The following MAP3K1 variants were observed in gnomAD, a reference collection of about 807,000 sequenced individuals.
MAP3K1 encodes MAP/ERK kinase kinase 1.
A neutral mutation model predicts 144.2 loss-of-function variants in MAP3K1; 36 were observed. That is an observed-to-expected ratio of 0.25 (90% confidence interval 0.19 to 0.33). MAP3K1 has a LOEUF of 0.33. Among genes scored for constraint, MAP3K1 ranks in the 10% least tolerant of loss-of-function variants. MAP3K1 has a pLI of 1.00. For missense variants in MAP3K1, 1,650 were observed against 1,881.9 expected (o/e 0.88, Z 2.28); for synonymous variants, 718 against 688.7 (o/e 1.04, Z -0.67).
At position 56,882,265 on chromosome 5, in the gene MAP3K1, A is replaced by G; in HGVS notation, c.3065A>G (p.Gln1022Arg). ...ATACCTTCTGCATCTCCTCAAACAC[A>G]GCGCAAGTTTTCTCTACAATTCCAC... ...CRIPSASPQT[Q>R]RKFSLQFHRN... Residue 1022 changes from glutamine (Q) to arginine (R), a missense_variant, in exon 14 of 20, where the codon CAG (glutamine) becomes CGG (arginine). By Grantham distance (43) the Gln-to-Arg change is conservative. Coordinates refer to ENST00000399503, the MANE Select transcript of MAP3K1 (RefSeq NM_005921.2). 1 of 1,614,146 alleles carries G rather than the reference A, an allele frequency of 6.2e-7. No individual in the cohort carries two copies. The highest frequency in any genetic ancestry group is 1.3e-5 in the African/African-American group (1 of 75,054).
intron 17 of MAP3K1, among the ~76,000 whole-genome samples, chr5:56,886,648 T>C (rs943748325): frequency 1.3e-5 from 2 of 152,242 alleles, no homozygotes; most frequent in African/African-American, 4.8e-5. Context: ...CATGATACGC[T>C]GACTCCCAGA....
intron 1 of MAP3K1, among the ~76,000 whole-genome samples, chr5:56,837,637 A>G (rs1042621766): frequency 6.6e-6 from 1 of 152,248 alleles, no homozygotes; most frequent in African/African-American, 2.4e-5. Flanking sequence ...TGAGTAAGAC[A>G]AAGGCTTTGT....
chr5:56,877,540 T>C (rs1748077727), intron 10 of MAP3K1, among the ~76,000 whole-genome samples: 1 of 142,900 alleles, frequency 7.0e-6, no homozygotes, highest in South Asian at 2.2e-4. Flanking sequence ...TTTTTTTTGC[T>C]GAATCGTTTG....
chr5:56,883,016 C>G, intron 14 of MAP3K1, 150 bp downstream of exon 14: 1 of 663,968 alleles, frequency 1.5e-6, no homozygotes, highest in South Asian at 1.9e-5. Flanking sequence ...AAGCAAGACC[C>G]TGTCTCTACA....
intron 9 of MAP3K1, 79 bp from the exon 10 acceptor site, chr5:56,874,953 A>C: frequency 6.8e-7 from 1 of 1,470,156 alleles, no homozygotes. Flanking sequence ...CGTAGTAATC[A>C]AAAATGATGC....
At chr5:56,827,886 C>T (rs566534231) in intron 1 of MAP3K1, among the ~76,000 whole-genome samples, 1 of 151,668 alleles carries the variant, frequency 6.6e-6, no homozygotes, top group African/African-American at 2.4e-5. Context: ...AGAACCTGGG[C>T]CCTAGGAATT....
chr5:56,859,665 TTACC>T (rs1747443390), intron 2 of MAP3K1, 46 bp from the exon 3 acceptor site: 1 of 1,361,356 alleles, frequency 7.3e-7, no homozygotes, highest in Non-Finnish European at 1.0e-6. Flanking sequence ...TTACATTTAC[TTACC>T]TTTTATATTT....
rs1748687058 is a variant in MAP3K1, at chr5:56,895,875, T to C, written c.*2195T>C. ...AGATTTTTCTTCTACCAAAGTTCAC[T>C]TTCACAATGAAATTATATTTGCTGT... On this transcript the variant is annotated 3_prime_UTR_variant, in exon 20 of 20. Transcript: ENST00000399503. 1 of 230,932 alleles carries C rather than the reference T, an allele frequency of 4.3e-6. No homozygotes were observed. The highest frequency in any genetic ancestry group is 8.6e-6 in the Non-Finnish European group (1 of 116,796). 14.3% of individuals were successfully genotyped at this position (230,932 alleles called of 1,614,324 possible). A position where few individuals can be genotyped will look rare whatever the true frequency, so the allele number is the denominator to read the frequency against.
chr5:56,873,096 A>G (rs1368018303), intron 9 of MAP3K1, 91 bp downstream of exon 9: 25 of 1,266,700 alleles, frequency 2.0e-5, no homozygotes, highest in Non-Finnish European at 2.4e-5. Context: ...CATAATTTAA[A>G]AAAACACTTT....
chr5:56,815,943 C>A lies in MAP3K1; in HGVS notation c.370C>A (p.Leu124Ile). The A allele has an allele frequency of 7.9e-7, 1 of 1,262,226 alleles. No homozygotes were observed. Among genetic ancestry groups the A allele is most frequent in the East Asian group, 3.3e-5 (1 of 30,498 alleles). The allele number at this position is 1,262,226 out of a possible 1,614,324, so 78.2% of individuals were successfully genotyped here. A position where few individuals can be genotyped will look rare whatever the true frequency, so the allele number is the denominator to read the frequency against. Residue 124 changes from leucine to isoleucine, a missense_variant, in exon 1 of 20, where the codon CTT (leucine) becomes ATT (isoleucine). Around this residue, in one of 6 missense-constraint regions of MAP3K1, gnomAD observed 360 missense variants for 274.7 expected, o/e 1.31. Transcript: ENST00000399503. ...HGAASRGGAH[L>I]TESVAAPDSG... The stretch of plus-strand genomic sequence containing the variant: ...AGCCGCGAGCCGCGGCGGCGCCCAC[C>A]TTACCGAGTCGGTGGCGGCGCCGGA...
In MAP3K1 at chr5:56,882,565, T is replaced by C; in HGVS notation, c.3365T>C (p.Leu1122Ser). 6.2e-7 allele frequency: 1 copy of C among 1,614,140 alleles called. No individual in the cohort carries two copies. Among genetic ancestry groups the C allele is most frequent in the Non-Finnish European group, 8.5e-7 (1 of 1,180,022 alleles). ...ACCCCAGTAGAGGAGAAATGCAGAT[T>C]AGATGTCAATACAGAGCTCAACTCC... ...VFTPVEEKCRLDVNTELNSSI... is the reference protein window; with the variant it reads ...VFTPVEEKCRSDVNTELNSSI... The change falls in exon 14 of 20, where the codon TTA (leucine) becomes TCA (serine). Residue 1122 changes from leucine to serine, a missense_variant. Leu to Ser is a moderately radical substitution (Grantham distance 145). This residue lies in a region of MAP3K1 where 841 missense variants were observed against 886.5 expected (regional missense o/e 0.95). Transcript: ENST00000399503.
chr5:56,863,960 C>A (rs1747596006), intron 3 of MAP3K1, among the ~76,000 whole-genome samples: 1 of 152,114 alleles, frequency 6.6e-6, no homozygotes, highest in African/African-American at 2.4e-5. Context: ...GAGGAAGAGT[C>A]TGCAGAGTGT....
intron 1 of MAP3K1, among the ~76,000 whole-genome samples, chr5:56,827,089 G>A (rs1746340056): frequency 1.3e-5 from 2 of 152,316 alleles, no homozygotes; most frequent in South Asian, 4.1e-4. Context: ...GGTGGGTGGA[G>A]AACACACAGG....
At chr5:56,816,467 G>A (rs1375219802) in intron 1 of MAP3K1, among the ~76,000 whole-genome samples, 1 of 152,058 alleles carries the variant, frequency 6.6e-6, no homozygotes, top group Non-Finnish European at 1.5e-5. Flanking sequence ...GGGGGGCGAG[G>A]CCCGAGCCTG....
intron 6 of MAP3K1, among the ~76,000 whole-genome samples, chr5:56,868,925 C>CAT (rs1470065587): frequency 6.6e-6 from 1 of 152,034 alleles, no homozygotes; most frequent in Admixed American, 6.6e-5. Flanking sequence ...ACCTTTAGGA[C>CAT]ATTATTCTAA....
At chr5:56,847,313 T>G (rs1221912432) in intron 1 of MAP3K1, among the ~76,000 whole-genome samples, 1 of 152,202 alleles carries the variant, frequency 6.6e-6, no homozygotes, top group Non-Finnish European at 1.5e-5. Context: ...TAAAAAAGAC[T>G]TGGTCGGGCG....
At position 56,875,299 on chromosome 5, in the gene MAP3K1, G is replaced by A. The variant is rs376758896; in HGVS notation, c.1954G>A (p.Val652Ile). The A allele has an allele frequency of 1.7e-5, 27 of 1,613,898 alleles. No homozygotes were observed. The highest frequency in any genetic ancestry group is 1.5e-5 in the Non-Finnish European group (18 of 1,180,022). The stretch of plus-strand genomic sequence containing the variant: ...TGCTGACCCTGTCTACAAAGTGTAC[G>A]TTGCTGCTTTAGTAAGTAGCTTTAT... ...VCADPVYKVY[V>I]AALKTLRAML... Residue 652 changes from valine to isoleucine, a missense_variant, in exon 10 of 20, where the codon GTT becomes ATT. Around this residue, in one of 6 missense-constraint regions of MAP3K1, gnomAD observed 841 missense variants for 886.5 expected, o/e 0.95. Coordinates refer to ENST00000399503, the MANE Select transcript of MAP3K1 (RefSeq NM_005921.2).
chr5:56,829,385 G>A (rs12189382), intron 1 of MAP3K1, among the ~76,000 whole-genome samples: 6 of 137,106 alleles, frequency 4.4e-5, no homozygotes, highest in African/African-American at 1.4e-4. Flanking sequence ...ACAGAGTTTC[G>A]CCATGTTGCC....
chr5:56,865,565 G>A, intron 5 of MAP3K1, 109 bp downstream of exon 5: 1 of 745,400 alleles, frequency 1.3e-6, no homozygotes, highest in Admixed American at 2.2e-5. Flanking sequence ...AAGGTGTGAA[G>A]GTATGTAAGA....
Sources: gnomAD v4.1 joint callset for allele counts (sites outside exome capture counted in the v4.1 genomes callset) on GRCh38, gnomAD v4.1.1 for gene constraint, gnomAD v4.1.1 regional missense constraint, MANE v1.5 for transcripts, NCBI Gene and HGNC (gene_info 2026-07-23, HGNC 2026-07-21) for gene names.